Variants in LYST observed in about 807,000 individuals in gnomAD.
LYST encodes lysosomal trafficking regulator.
LYST carries 192 observed loss-of-function variants against 413.6 expected under a neutral mutation model. The observed-to-expected ratio is 0.46, with a 90% CI of 0.41 to 0.52. The LOEUF (loss-of-function observed/expected upper bound fraction) is 0.52. Among genes scored for constraint, LYST ranks in the 20% least tolerant of loss-of-function variants. The pLI, the probability that LYST is intolerant of heterozygous loss-of-function variation, is 0.00. For synonymous variants in LYST, 1,525 were observed against 1,567.3 expected (o/e 0.97, Z 0.64); for missense variants, 3,815 against 4,499.9 (o/e 0.85, Z 4.35).
chr1:235,720,173 C>CAAAAAAAAA lies in LYST; in HGVS notation c.9560+479_9560+487dup, dbSNP rs71576484. Among the ~76,000 whole-genome samples the CAAAAAAAAA allele has an allele frequency of 4.2e-4, 4 of 9,472 alleles. 1 individual carries two copies. Among genetic ancestry groups the CAAAAAAAAA allele is most frequent in the African/African-American group, 9.4e-4 (4 of 4,258 alleles). The allele number at this position is 9,472 out of a possible 152,430, so 6.2% of individuals were successfully genotyped here. On this transcript the variant is annotated intron_variant, in intron 40 of 52. Transcript: ENST00000389793. ...CTGGTGACAGAGTGAGACTCTGTCT[C>CAAAAAAAAA]AAAAAAAAAAAAAAAAAAAAAAAAA...
Position 235,866,327 on chromosome 1 carries a change from G to T in LYST, c.-98+516C>A, listed in dbSNP as rs559579787. 1.9e-4 allele frequency among the ~76,000 whole-genome samples: 29 copies of T among 150,064 alleles called. No individual in the cohort carries two copies. In the South Asian group the frequency reaches 6.2e-3, roughly 32 times the overall value. Reference sequence around the variant, plus strand: ...GAGCGGACCGAGGCGCACGGTGTAGGTGACAGGTGGGCGAGCGCCGCAGGG... The same window carrying T: ...GAGCGGACCGAGGCGCACGGTGTAGTTGACAGGTGGGCGAGCGCCGCAGGG... On this transcript the variant is annotated intron_variant, in intron 1 of 52. Coordinates refer to ENST00000389793, the MANE Select transcript of LYST (RefSeq NM_000081.4).
intron 3 of LYST, among the ~76,000 whole-genome samples, chr1:235,817,065 C>T (rs1034223307): frequency 9.9e-5 from 15 of 151,968 alleles, no homozygotes; most frequent in African/African-American, 3.4e-4. Context: ...CCAAAGGACA[C>T]GAACAGACAC....
chr1:235,775,233 G>A (rs1284330182), intron 17 of LYST, 147 bp from the exon 18 acceptor site: 1 of 673,736 alleles, frequency 1.5e-6, no homozygotes, highest in Non-Finnish European at 2.6e-6. Context: ...TGTAAGGCTT[G>A]TGAATAAACA....
intron 1 of LYST, among the ~76,000 whole-genome samples, chr1:235,838,363 AC>A (rs879659818): frequency 6.6e-6 from 1 of 152,214 alleles, no homozygotes; most frequent in African/African-American, 2.4e-5. Flanking sequence ...AGAATGGTGG[AC>A]TGTCAAATAC....
At chr1:235,853,956 A>G (rs1158099643) in intron 1 of LYST, among the ~76,000 whole-genome samples, 1 of 152,144 alleles carries the variant, frequency 6.6e-6, no homozygotes, top group Non-Finnish European at 1.5e-5. Context: ...ATTCTGAGAT[A>G]TTGTAGCTAT....
chr1:235,879,735 T>C (rs553599643), intron 1 of LYST, among the ~76,000 whole-genome samples: 10 of 134,084 alleles, frequency 7.5e-5, no homozygotes, highest in Middle Eastern at 4.0e-3. Flanking sequence ...TTCCTTTCTT[T>C]CTTTCTTTTT....
chr1:235,881,165 A>T (rs932646271), intron 1 of LYST, among the ~76,000 whole-genome samples: 3 of 152,236 alleles, frequency 2.0e-5, no homozygotes, highest in African/African-American at 7.2e-5. Flanking sequence ...CCAACTGGTT[A>T]TCTTAAAAGA....
intron 39 of LYST, 131 bp downstream of exon 39, chr1:235,723,897 C>T (rs766014104): frequency 5.0e-5 from 39 of 780,656 alleles, no homozygotes; most frequent in Non-Finnish European, 7.6e-5. Context: ...AAAGGCTTCA[C>T]TTTAATCAGG....
At chr1:235,702,155 G>T (rs148401720) in intron 45 of LYST, among the ~76,000 whole-genome samples, 2 of 152,276 alleles carry the variant, frequency 1.3e-5, no homozygotes, top group East Asian at 1.9e-4. Context: ...TTATAACGAA[G>T]AATTGAGTTG....
At chr1:235,793,282 T>C (rs568234912) in intron 11 of LYST, among the ~76,000 whole-genome samples, 1 of 152,278 alleles carries the variant, frequency 6.6e-6, no homozygotes, top group East Asian at 1.9e-4. Flanking sequence ...GAAAATATAA[T>C]CTCAGCGATA....
intron 45 of LYST, among the ~76,000 whole-genome samples, chr1:235,702,472 T>A (rs917887072): frequency 1.3e-5 from 2 of 152,206 alleles, no homozygotes; most frequent in African/African-American, 4.8e-5. Flanking sequence ...CTGCGAGGCT[T>A]TCCCTGGGAA....
chr1:235,757,146 C>T (rs1260272187), intron 24 of LYST, 135 bp downstream of exon 24: 4 of 604,338 alleles, frequency 6.6e-6, no homozygotes, highest in Non-Finnish European at 1.1e-5. Flanking sequence ...TATTAAGTAA[C>T]AAACTATATT....
intron 32 of LYST, 56 bp downstream of exon 32, chr1:235,734,427 C>A: frequency 3.7e-6 from 5 of 1,366,490 alleles, no homozygotes; most frequent in Non-Finnish European, 5.2e-6. Flanking sequence ...TAGTGTCAAT[C>A]ATTCTTTATC....
intron 1 of LYST, among the ~76,000 whole-genome samples, chr1:235,874,236 A>C (rs2103232476): frequency 6.6e-6 from 1 of 152,340 alleles, no homozygotes; most frequent in Non-Finnish European, 1.5e-5. Flanking sequence ...AGAATCCACT[A>C]CAGTAGTAAG....
At chr1:235,709,375 G>A (rs1662224689) in intron 43 of LYST, 67 bp from the exon 44 acceptor site, 4 of 1,262,676 alleles carry the variant, frequency 3.2e-6, no homozygotes, top group Middle Eastern at 2.6e-4. Context: ...TACAGAGCAG[G>A]TCTTAAGAGT....
At position 235,791,755 on chromosome 1, in the gene LYST, T is replaced by G. The variant is rs750331195; in HGVS notation, c.4487A>C (p.Lys1496Thr). ...EAESTTEKGK[K>T]IKKRNKSLIL... ...TAATGATTTGTTTCTTTTCTTTATC[T>G]TCTTTCCTTTTTCTGTAGTACTCTC... Residue 1496 changes from lysine (K) to threonine (T), a missense_variant, in exon 12 of 53, where the codon AAG becomes ACG. Physicochemically the swap from Lys to Thr is moderately conservative, Grantham distance 78. Transcript: ENST00000389793. 5.6e-6 allele frequency: 9 copies of G among 1,613,500 alleles called. No individual in the cohort carries two copies. In the East Asian group the frequency reaches 6.7e-5, roughly 12 times the overall value.
At chr1:235,878,839 T>G (rs940894444) in intron 1 of LYST, among the ~76,000 whole-genome samples, 1 of 152,234 alleles carries the variant, frequency 6.6e-6, no homozygotes. Context: ...CCCACCATGC[T>G]GGGCTCAGGC....
intron 31 of LYST, chr1:235,738,069 A>G: frequency 6.3e-7 from 1 of 1,597,902 alleles, no homozygotes; most frequent in East Asian, 2.2e-5. Context: ...GAATAAGATT[A>G]CAGTTGTTGG....
Position 235,804,520 on chromosome 1 carries a change from T to C in LYST, c.3539A>G (p.Asp1180Gly), listed in dbSNP as rs779671129. The C allele has an allele frequency of 6.2e-7, 1 of 1,613,694 alleles. No homozygotes were observed. The change falls in exon 7 of 53, where the codon GAT (aspartate) becomes GGT (glycine). Residue 1180 changes from aspartate (D) to glycine (G), a missense_variant. Physicochemically the swap from Asp to Gly is moderately conservative, Grantham distance 94. Coordinates refer to ENST00000389793, the MANE Select transcript of LYST (RefSeq NM_000081.4). Reference protein sequence around the residue: ...GNYSADFEHNDAMTEKSHQSA... With the variant: ...GNYSADFEHNGAMTEKSHQSA... ...TATTCATACCTTCTCAGTCATAGCATCATTATGTTCAAAATCTGCTGAATA... is the reference window on the plus strand; with the variant it reads ...TATTCATACCTTCTCAGTCATAGCACCATTATGTTCAAAATCTGCTGAATA...
Sources: gnomAD v4.1 joint callset for allele counts (sites outside exome capture counted in the v4.1 genomes callset) on GRCh38, gnomAD v4.1.1 for gene constraint, MANE v1.5 for transcripts, NCBI Gene and HGNC (gene_info 2026-07-23, HGNC 2026-07-21) for gene names.